SLC22A23: variants seen among roughly 807,000 people sequenced by gnomAD.
The protein encoded by SLC22A23 is solute carrier family 22 member 23.
In SLC22A23, 26 loss-of-function variants were observed where a neutral mutation model predicts 61.0. The ratio of observed to expected loss-of-function variants is 0.43; its 90% CI spans 0.31 to 0.59. The LOEUF is 0.59. Ranked by LOEUF, SLC22A23 falls within the 20% of genes least tolerant of loss-of-function variation. SLC22A23 has a pLI of 0.11. For synonymous variants in SLC22A23, 430 were observed against 413.9 expected (o/e 1.04, Z -0.47); for missense variants, 796 against 934.7 (o/e 0.85, Z 1.94).
chr6:3,284,846 G>A (rs1759823300), intron 8 of SLC22A23: 1 of 1,474,102 alleles, frequency 6.8e-7, no homozygotes, highest in Non-Finnish European at 9.2e-7. Context: ...GCGGGGGCAT[G>A]CGTGCCAAGC....
Position 3,387,818 on chromosome 6 carries a change from G to C in SLC22A23, c.913+22370C>G, listed in dbSNP as rs1767405673. Among the ~76,000 whole-genome samples the C allele has an allele frequency of 6.6e-6, 1 of 152,108 alleles. No individual in the cohort carries two copies. The highest frequency in any genetic ancestry group is 2.4e-5 in the African/African-American group (1 of 41,406). ...GAGTTAACGAAACCCAAGAGTCGTG[G>C]GCTTCTCTGATAAAGTTCTCTGAGG... On this transcript the variant is annotated intron_variant, in intron 3 of 9. Coordinates refer to ENST00000406686, the MANE Select transcript of SLC22A23 (RefSeq NM_015482.2). The surrounding 1 kb of genome is among the most constrained non-coding windows in gnomAD (Gnocchi z 5.0).
At chr6:3,352,330 C>T (rs1052688926) in intron 3 of SLC22A23, among the ~76,000 whole-genome samples, 4 of 151,814 alleles carry the variant, frequency 2.6e-5, no homozygotes, top group Non-Finnish European at 5.9e-5. Context: ...CAGACATGCA[C>T]AGACACACAC....
In SLC22A23 at chr6:3,324,035, T is replaced by G; in HGVS notation, c.914-33A>C. 6.2e-7 allele frequency: 1 copy of G among 1,605,168 alleles called. No homozygotes were observed. Among genetic ancestry groups the G allele is most frequent in the Admixed American group, 1.7e-5 (1 of 59,790 alleles). ...ACAGAACCAATGAGAGAGAGATGAG[T>G]GCCCTGCTCGACAGCCCGAGAAGTC... is the stretch of plus-strand genomic sequence containing the variant. On this transcript the variant is annotated intron_variant, in intron 3 of 9. Coordinates refer to ENST00000406686, the MANE Select transcript of SLC22A23 (RefSeq NM_015482.2). The surrounding 1 kb of genome is among the most constrained non-coding windows in gnomAD (Gnocchi z 4.3).
At chr6:3,353,144 T>C (rs982866411) in intron 3 of SLC22A23, among the ~76,000 whole-genome samples, 2 of 152,232 alleles carry the variant, frequency 1.3e-5, no homozygotes, top group African/African-American at 4.8e-5. Flanking sequence ...GTAAGTATTA[T>C]TACTTCCCTG....
At chr6:3,289,491 C>T (rs545886731) in intron 6 of SLC22A23, among the ~76,000 whole-genome samples, 12 of 152,230 alleles carry the variant, frequency 7.9e-5, no homozygotes, top group Middle Eastern at 3.2e-3. Flanking sequence ...TGAGGAGGTG[C>T]GTCCATGTGC....
chr6:3,360,539 G>A lies in SLC22A23; in HGVS notation c.914-36537C>T, dbSNP rs577726147. ...TTCTCATAGTCGGGTTTCAGGCAAC[G>A]GCTCAACCGTGGAGGGAGGTCACTT... is the stretch of plus-strand genomic sequence containing the variant. On this transcript the variant is annotated intron_variant, in intron 3 of 9. Transcript: ENST00000406686. The surrounding 1 kb of genome is among the most constrained non-coding windows in gnomAD (Gnocchi z 4.6). 2.2e-4 allele frequency among the ~76,000 whole-genome samples: 33 copies of A among 152,334 alleles called. No individual in the cohort carries two copies. Among genetic ancestry groups the A allele is most frequent in the African/African-American group, 6.7e-4 (28 of 41,562 alleles).
intron 1 of SLC22A23, among the ~76,000 whole-genome samples, chr6:3,453,168 G>A (rs1045255617): frequency 2.6e-5 from 4 of 152,166 alleles, no homozygotes; most frequent in African/African-American, 4.8e-5. Flanking sequence ...ATTTTTGCAC[G>A]TATGGAATAG....
At chr6:3,285,890 C>T (rs572159426) in intron 7 of SLC22A23, among the ~76,000 whole-genome samples, 12 of 152,158 alleles carry the variant, frequency 7.9e-5, no homozygotes, top group African/African-American at 2.2e-4. Context: ...TCTGTGGGGT[C>T]GATGTTCCCG....
chr6:3,404,715 C>T (rs1285894672), intron 3 of SLC22A23, among the ~76,000 whole-genome samples: 7 of 152,312 alleles, frequency 4.6e-5, no homozygotes, highest in African/African-American at 1.7e-4. Context: ...TTCTTACTTA[C>T]CCTGCAGTGA....
At chr6:3,290,035 A>T in intron 5 of SLC22A23, 169 bp from the exon 6 acceptor site, 1 of 652,308 alleles carries the variant, frequency 1.5e-6, no homozygotes, top group Admixed American at 2.6e-5. Context: ...TCCAGGATAG[A>T]AAGGCACTCA....
chr6:3,326,958 C>T (rs1240246635), intron 3 of SLC22A23, among the ~76,000 whole-genome samples: 5 of 152,000 alleles, frequency 3.3e-5, no homozygotes, highest in South Asian at 2.1e-4. Flanking sequence ...CCTTGAGTCC[C>T]GGCATCCATC....
rs1179972318 is a variant in SLC22A23 at position 3,456,447 on chromosome 6, AGGGGCGCCGAGGCCGCCGCGTCCCCGG to A, written c.86_112del (p.Pro29_Pro37del). On this transcript the variant is annotated inframe_deletion, in exon 1 of 10. Coordinates refer to ENST00000406686, the MANE Select transcript of SLC22A23 (RefSeq NM_015482.2). This position sits in a 1 kb window ranked among gnomAD's most constrained non-coding sequence, Gnocchi z 7.1. ...GCCGCCGGGGCCCGCGCGTCCCCCG[AGGGGCGCCGAGGCCGCCGCGTCCCCGG>A]GCGGCAGGGAGCCGTTCTCCTCGGC... The A allele has an allele frequency of 8.2e-7, 1 of 1,226,766 alleles. No individual in the cohort carries two copies. The highest frequency in any genetic ancestry group is 1.0e-6 in the Non-Finnish European group (1 of 987,578). The allele number at this position is 1,226,766 out of a possible 1,614,324, so 76.0% of individuals were successfully genotyped here.
At chr6:3,402,697 C>G (rs1056611517) in intron 3 of SLC22A23, among the ~76,000 whole-genome samples, 1 of 149,388 alleles carries the variant, frequency 6.7e-6, no homozygotes, top group Non-Finnish European at 1.5e-5. Flanking sequence ...ACAGAACTCA[C>G]AGCTCAGGAG....
At chr6:3,301,601 C>T (rs1378533239) in intron 4 of SLC22A23, among the ~76,000 whole-genome samples, 1 of 152,274 alleles carries the variant, frequency 6.6e-6, no homozygotes, top group African/African-American at 2.4e-5. Flanking sequence ...AAATGAAGAA[C>T]AAGGCCCAGA....
At chr6:3,419,607 G>A (rs1172060060) in intron 1 of SLC22A23, among the ~76,000 whole-genome samples, 3 of 152,182 alleles carry the variant, frequency 2.0e-5, no homozygotes, top group Non-Finnish European at 4.4e-5. Flanking sequence ...CAGTTCTGGA[G>A]GTGGCTAAGG....
At chr6:3,441,817 C>A (rs1474074974) in intron 1 of SLC22A23, among the ~76,000 whole-genome samples, 2 of 152,220 alleles carry the variant, frequency 1.3e-5, no homozygotes, top group Non-Finnish European at 2.9e-5. Flanking sequence ...TTCTCCAGGG[C>A]AGACACGATC....
rs1189854928 is a variant in SLC22A23, at chr6:3,328,704, C to T, written c.914-4702G>A. On this transcript the variant is annotated intron_variant, in intron 3 of 9. Coordinates refer to ENST00000406686, the MANE Select transcript of SLC22A23 (RefSeq NM_015482.2). The surrounding 1 kb of genome is among the most constrained non-coding windows in gnomAD (Gnocchi z 5.0). ...CTGGAGTCCTGATGGCTGGCCCTCCCGCTGGCCCCTCATGGATGTCAGCCT... is the reference window on the plus strand; with the variant it reads ...CTGGAGTCCTGATGGCTGGCCCTCCTGCTGGCCCCTCATGGATGTCAGCCT... 1.3e-5 allele frequency among the ~76,000 whole-genome samples: 2 copies of T among 152,136 alleles called. No homozygotes were observed. Among genetic ancestry groups the T allele is most frequent in the Admixed American group, 1.3e-4 (2 of 15,276 alleles).
At chr6:3,450,453 TAA>T (rs1226535253) in intron 1 of SLC22A23, among the ~76,000 whole-genome samples, 1 of 152,152 alleles carries the variant, frequency 6.6e-6, no homozygotes, top group African/African-American at 2.4e-5. Flanking sequence ...AATACAGACG[TAA>T]ACCACCATGC....
chr6:3,326,946 A>T (rs1327858059), intron 3 of SLC22A23, among the ~76,000 whole-genome samples: 2 of 152,226 alleles, frequency 1.3e-5, no homozygotes, highest in Non-Finnish European at 2.9e-5. Context: ...AGGACATTTC[A>T]GCCTTGAGTC....
Sources: gnomAD v4.1 joint callset for allele counts (sites outside exome capture counted in the v4.1 genomes callset) on GRCh38, gnomAD v4.1.1 for gene constraint, Gnocchi (gnomAD v3.1) non-coding constraint, MANE v1.5 for transcripts, NCBI Gene and HGNC (gene_info 2026-07-23, HGNC 2026-07-21) for gene names.